Variants in HEATR5B observed in about 807,000 individuals in gnomAD.
The protein encoded by HEATR5B is HEAT repeat containing 5B.
HEATR5B carries 156 observed loss-of-function variants against 224.1 expected under a neutral mutation model. That is an observed-to-expected ratio of 0.70 (90% CI 0.61 to 0.80). The LOEUF (loss-of-function observed/expected upper bound fraction) is 0.80, where lower values mean the gene tolerates loss of function less well. Ranked by LOEUF, HEATR5B falls within the 30% of genes least tolerant of loss-of-function variation. HEATR5B has a pLI of 0.00. For synonymous variants in HEATR5B, 1,027 were observed against 893.0 expected (o/e 1.15, Z -2.68); for missense variants, 2,323 against 2,535.5 (o/e 0.92, Z 1.80).
At chr2:37,059,693 A>T (rs2148556355) in intron 12 of HEATR5B, among the ~76,000 whole-genome samples, 1 of 151,878 alleles carries the variant, frequency 6.6e-6, no homozygotes, top group African/African-American at 2.4e-5. Context: ...AGAACTCCTG[A>T]GAGTGATCCA....
chr2:37,059,064 T>C (rs1264336431), intron 12 of HEATR5B, 77 bp from the exon 13 acceptor site: 2 of 882,338 alleles, frequency 2.3e-6, no homozygotes, highest in Admixed American at 2.3e-5. Flanking sequence ...TGTATAAATA[T>C]AAAGGCAGTT....
intron 10 of HEATR5B, 145 bp from the exon 11 acceptor site, chr2:37,062,195 G>A: frequency 1.9e-6 from 1 of 533,894 alleles, no homozygotes; most frequent in Non-Finnish European, 3.4e-6. Context: ...GGGAGGCTGA[G>A]GCAGGCAGAT....
At chr2:36,993,450 T>G (rs1453807328) in intron 33 of HEATR5B, among the ~76,000 whole-genome samples, 1 of 151,260 alleles carries the variant, frequency 6.6e-6, no homozygotes, top group East Asian at 1.9e-4. Context: ...GGCGGGAGAA[T>G]TGCTTGAACA....
chr2:37,061,159 T>C (rs1487047617), intron 11 of HEATR5B, among the ~76,000 whole-genome samples: 3 of 152,154 alleles, frequency 2.0e-5, no homozygotes, highest in African/African-American at 4.8e-5. Flanking sequence ...TACAGATACA[T>C]ATTCCTTAGT....
At chr2:37,003,739 C>G (rs1043292132) in intron 30 of HEATR5B, 53 bp from the exon 31 acceptor site, 1 of 1,291,838 alleles carries the variant, frequency 7.7e-7, no homozygotes, top group Non-Finnish European at 1.0e-6. Context: ...CAAAGAATAA[C>G]TTTATATTGT....
chr2:37,066,649 T>G (rs1287840129), intron 8 of HEATR5B, among the ~76,000 whole-genome samples: 1 of 152,316 alleles, frequency 6.6e-6, no homozygotes, highest in African/African-American at 2.4e-5. Flanking sequence ...GCCAAACTAC[T>G]AATTGAGAAT....
intron 19 of HEATR5B, among the ~76,000 whole-genome samples, chr2:37,040,776 C>A (rs1482581967): frequency 6.6e-6 from 1 of 151,462 alleles, no homozygotes; most frequent in East Asian, 1.9e-4. Flanking sequence ...CAGCCAATGA[C>A]CCAGGACCTA....
At chr2:36,992,780 A>C (rs560199247) in intron 33 of HEATR5B, among the ~76,000 whole-genome samples, 6 of 151,904 alleles carry the variant, frequency 3.9e-5, no homozygotes, top group African/African-American at 1.4e-4. Context: ...GCTGGAGTGC[A>C]GTGCCATGAT....
intron 33 of HEATR5B, among the ~76,000 whole-genome samples, chr2:36,993,805 A>T (rs1173912036): frequency 6.7e-6 from 1 of 150,080 alleles, no homozygotes; most frequent in African/African-American, 2.5e-5. Context: ...GCCAAGATGC[A>T]TACATTGAAT....
chr2:37,078,267 T>C (rs1435753638), intron 3 of HEATR5B, among the ~76,000 whole-genome samples: 3 of 152,206 alleles, frequency 2.0e-5, no homozygotes, highest in Non-Finnish European at 4.4e-5. Context: ...AACAGTAGAA[T>C]CAGGGAATCA....
chr2:37,041,308 T>C lies in HEATR5B; in HGVS notation c.2697-16A>G. ...CGATTTCAACCTGAAAAAAAGATTA[T>C]GCTTCAAGCACTAACTTTGCTATTT... On this transcript the variant is annotated splice_polypyrimidine_tract_variant and intron_variant, in intron 18 of 35. Coordinates refer to ENST00000233099, the MANE Select transcript of HEATR5B (RefSeq NM_019024.3). 1 of 1,612,566 alleles carries C rather than the reference T, an allele frequency of 6.2e-7. No homozygotes were observed. The highest frequency in any genetic ancestry group is 1.1e-5 in the South Asian group (1 of 90,952).
intron 27 of HEATR5B, among the ~76,000 whole-genome samples, chr2:37,011,807 TATAA>T (rs1040524965): frequency 3.9e-5 from 6 of 152,214 alleles, no homozygotes; most frequent in East Asian, 3.8e-4. Context: ...TTCTTCACAT[TATAA>T]ATAGTGTTGC....
chr2:37,001,673 C>CTTT (rs1222098568), intron 32 of HEATR5B, among the ~76,000 whole-genome samples: 1 of 144,012 alleles, frequency 6.9e-6, no homozygotes, highest in South Asian at 2.2e-4. Flanking sequence ...CTTTTTCTTT[C>CTTT]TTTTTTTTTT....
Position 37,025,591 on chromosome 2 carries a change from T to C in HEATR5B, c.3853+2332A>G, listed in dbSNP as rs540587282. Among the ~76,000 whole-genome samples, 19 of 148,998 alleles carry C rather than the reference T, an allele frequency of 1.3e-4. No homozygotes were observed. In the South Asian group the frequency reaches 2.1e-3, roughly 17 times the overall value. On this transcript the variant is annotated intron_variant, in intron 24 of 35. Transcript: ENST00000233099. ...TGGAGGTGGGAGAAACGTAGACAAA[T>C]TACAGGAAAATTAAAAAAAATTAAA... is the stretch of plus-strand genomic sequence containing the variant.
chr2:37,069,457 G>C (rs563840534), intron 7 of HEATR5B, among the ~76,000 whole-genome samples: 10 of 151,934 alleles, frequency 6.6e-5, no homozygotes, highest in Non-Finnish European at 1.5e-4. Flanking sequence ...CTCTTATTCC[G>C]TGTTATTTTG....
intron 18 of HEATR5B, among the ~76,000 whole-genome samples, chr2:37,043,290 A>C (rs568116001): frequency 4.2e-4 from 64 of 152,360 alleles, no homozygotes; most frequent in African/African-American, 1.4e-3. Context: ...AAATCAATAG[A>C]TACCAAGAAG....
chr2:37,000,276 C>T (rs1312600725), intron 33 of HEATR5B, among the ~76,000 whole-genome samples: 1 of 151,906 alleles, frequency 6.6e-6, no homozygotes, highest in East Asian at 1.9e-4. Flanking sequence ...GGGGTTTCAC[C>T]GTGTTAATCA....
At chr2:36,988,078 G>GA (rs1039216321) in intron 35 of HEATR5B, among the ~76,000 whole-genome samples, 41 of 142,918 alleles carry the variant, frequency 2.9e-4, no homozygotes, top group Non-Finnish European at 4.4e-4. Flanking sequence ...TAAAAAAAAA[G>GA]AAAAAAAAAC....
rs1669274432 is a variant in HEATR5B, at chr2:37,033,561, G to GA, written c.3217-789dup. ...CCAAATCAAGCAAACATAATCACCT[G>GA]AAAAAATTGCAAAATGGGGCCTTTT... is the stretch of plus-strand genomic sequence containing the variant. On this transcript the variant is annotated intron_variant, in intron 21 of 35. Coordinates refer to ENST00000233099, the MANE Select transcript of HEATR5B (RefSeq NM_019024.3). Among the ~76,000 whole-genome samples the GA allele has an allele frequency of 5.3e-5, 8 of 152,212 alleles. No homozygotes were observed. The East Asian group carries it at 9.6e-4, about 18-fold the overall frequency.
Sources: gnomAD v4.1 joint callset for allele counts (sites outside exome capture counted in the v4.1 genomes callset) on GRCh38, gnomAD v4.1.1 for gene constraint, MANE v1.5 for transcripts, NCBI Gene and HGNC (gene_info 2026-07-23, HGNC 2026-07-21) for gene names.